The following NPAS3 variants were observed in gnomAD, a reference collection of about 807,000 sequenced individuals.
NPAS3 encodes neuronal PAS domain-containing protein 3.
NPAS3 carries 14 observed loss-of-function variants against 73.1 expected under a neutral mutation model. The ratio of observed to expected loss-of-function variants is 0.19; its 90% CI spans 0.13 to 0.30. The LOEUF (loss-of-function observed/expected upper bound fraction) is 0.30, where lower values mean the gene tolerates loss of function less well. Ranked by LOEUF, NPAS3 falls within the 10% of genes least tolerant of loss-of-function variation. The pLI is 1.00. For missense variants in NPAS3, 1,096 were observed against 1,250.0 expected (o/e 0.88, Z 1.86); for synonymous variants, 620 against 541.5 (o/e 1.14, Z -2.01).
At chr14:32,975,636 C>G (rs2037633984) in intron 1 of NPAS3, among the ~76,000 whole-genome samples, 1 of 152,138 alleles carries the variant, frequency 6.6e-6, no homozygotes, top group African/African-American at 2.4e-5. Flanking sequence ...GCAAAAGTTG[C>G]TCACAGTTTT....
At chr14:32,997,185 C>T (rs912849649) in intron 1 of NPAS3, among the ~76,000 whole-genome samples, 1 of 152,180 alleles carries the variant, frequency 6.6e-6, no homozygotes, top group African/African-American at 2.4e-5. Flanking sequence ...CAATTTCTCC[C>T]ATTTGGAATA....
intron 3 of NPAS3, among the ~76,000 whole-genome samples, chr14:33,298,269 G>C (rs989059790): frequency 1.3e-5 from 2 of 152,146 alleles, no homozygotes; most frequent in Non-Finnish European, 2.9e-5. Flanking sequence ...GATGACAGAG[G>C]GAGCCTCCAT....
At chr14:33,383,350 G>A (rs963606095) in intron 4 of NPAS3, among the ~76,000 whole-genome samples, 2 of 152,084 alleles carry the variant, frequency 1.3e-5, no homozygotes, top group Non-Finnish European at 2.9e-5. Flanking sequence ...CTGATTGATG[G>A]TTAATTGTCC....
intron 5 of NPAS3, among the ~76,000 whole-genome samples, chr14:33,667,659 C>A (rs2059490875): frequency 6.6e-6 from 1 of 152,134 alleles, no homozygotes; most frequent in Non-Finnish European, 1.5e-5. Flanking sequence ...TTAGTAGTTA[C>A]AATAACCAAA....
At chr14:33,073,389 G>C (rs2041550626) in intron 2 of NPAS3, among the ~76,000 whole-genome samples, 1 of 152,186 alleles carries the variant, frequency 6.6e-6, no homozygotes, top group Non-Finnish European at 1.5e-5. Flanking sequence ...TACATGTGGA[G>C]TTAAAAAGGT....
Position 33,643,691 on chromosome 14 carries a change from G to A in NPAS3, c.559-32520G>A, listed in dbSNP as rs2058742841. Among the ~76,000 whole-genome samples, 3 of 152,296 alleles carry A rather than the reference G, an allele frequency of 2.0e-5. No homozygotes were observed. The South Asian group carries it at 6.2e-4, about 32-fold the overall frequency. On this transcript the variant is annotated intron_variant, in intron 5 of 11. Transcript: ENST00000356141. ...CAGCTACTTTGCCACAGTGGATTAA[G>A]ATGATCTAAAGGGGCTTTGTGAGCT...
At chr14:33,030,960 T>A (rs2039968283) in intron 1 of NPAS3, among the ~76,000 whole-genome samples, 1 of 152,178 alleles carries the variant, frequency 6.6e-6, no homozygotes, top group African/African-American at 2.4e-5. Context: ...ACTGTGTTGG[T>A]GGAAGCCTGG....
chr14:33,519,258 A>G (rs1318036778), intron 4 of NPAS3, among the ~76,000 whole-genome samples: 1 of 152,102 alleles, frequency 6.6e-6, no homozygotes, highest in African/African-American at 2.4e-5. Flanking sequence ...CAAACTTCTC[A>G]GTATCCTAGT....
At position 33,395,935 on chromosome 14, in the gene NPAS3, C is replaced by T. The variant is rs776065598; in HGVS notation, c.468+28667C>T. Among the ~76,000 whole-genome samples, 6 of 152,112 alleles carry T rather than the reference C, an allele frequency of 3.9e-5. No homozygotes were observed. The East Asian group carries it at 7.7e-4, about 20-fold the overall frequency. ...TAAGCAAATGGACTTGAAGGCCCAG[C>T]GGTTCCTTCCTAGACCAGGTGCCTC... On this transcript the variant is annotated intron_variant, in intron 4 of 11. Transcript: ENST00000356141.
intron 4 of NPAS3, among the ~76,000 whole-genome samples, chr14:33,541,872 C>T (rs1038011716): frequency 1.3e-5 from 2 of 152,148 alleles, no homozygotes; most frequent in African/African-American, 4.8e-5. Flanking sequence ...GATGTGCATA[C>T]CTGCCCACTC....
chr14:33,573,485 A>G (rs538780751), intron 5 of NPAS3, among the ~76,000 whole-genome samples: 1 of 152,310 alleles, frequency 6.6e-6, no homozygotes, highest in East Asian at 1.9e-4. Context: ...TGGATGACTA[A>G]CTCTACCTGG....
At chr14:33,643,018 A>T (rs2058717219) in intron 5 of NPAS3, among the ~76,000 whole-genome samples, 1 of 152,174 alleles carries the variant, frequency 6.6e-6, no homozygotes, top group Non-Finnish European at 1.5e-5. Context: ...CTCCTCTCGC[A>T]ATAATCTTCA....
intron 3 of NPAS3, among the ~76,000 whole-genome samples, chr14:33,354,878 A>G (rs560951903): frequency 1.3e-3 from 192 of 152,264 alleles, no homozygotes; most frequent in African/African-American, 4.5e-3. Context: ...ATCGTCATTT[A>G]TTGGCTAGAC....
chr14:33,240,371 T>TTTTCTTTTTAATATATTTCAA (rs2048175467), intron 3 of NPAS3, among the ~76,000 whole-genome samples: 1 of 151,722 alleles, frequency 6.6e-6, no homozygotes, highest in South Asian at 2.1e-4. Context: ...TTATTTTTCT[T>TTTTCTTTTTAATATATTTCAA]TTTCTTTTTA....
chr14:33,446,889 A>G (rs1445552680), intron 4 of NPAS3, among the ~76,000 whole-genome samples: 1 of 152,248 alleles, frequency 6.6e-6, no homozygotes, highest in African/African-American at 2.4e-5. Context: ...ATTTGAGGTG[A>G]AATACTATGT....
intron 4 of NPAS3, among the ~76,000 whole-genome samples, chr14:33,522,165 T>C (rs920635687): frequency 1.3e-5 from 2 of 152,216 alleles, no homozygotes; most frequent in Non-Finnish European, 1.5e-5. Context: ...TAAAAATCCA[T>C]AAACGTATAG....
At position 33,656,076 on chromosome 14, in the gene NPAS3, A is replaced by C. The variant is rs145681960; in HGVS notation, c.559-20135A>C. On this transcript the variant is annotated intron_variant, in intron 5 of 11. Transcript: ENST00000356141. The stretch of plus-strand genomic sequence containing the variant: ...ATTCCTACTGCTGTGCTACTGAAGC[A>C]AAAAATAAGTTTAGTATCGAATTTC... 2.9e-3 allele frequency among the ~76,000 whole-genome samples: 435 copies of C among 152,284 alleles called. 2 individuals carry two copies. The highest frequency in any genetic ancestry group is 9.7e-3 in the African/African-American group (405 of 41,542).
chr14:32,963,275 C>A (rs896003279), intron 1 of NPAS3, among the ~76,000 whole-genome samples: 1 of 151,900 alleles, frequency 6.6e-6, no homozygotes, highest in African/African-American at 2.4e-5. Context: ...ATTTTAAATA[C>A]AGAGTAACAT....
intron 3 of NPAS3, among the ~76,000 whole-genome samples, chr14:33,344,583 A>G (rs1283757057): frequency 6.6e-6 from 1 of 152,222 alleles, no homozygotes; most frequent in Non-Finnish European, 1.5e-5. Context: ...TGTGTAAATG[A>G]ACCTCAGGCT....
Sources: allele counts gnomAD v4.1 joint callset (sites outside exome capture counted in the v4.1 genomes callset), GRCh38; gene constraint gnomAD v4.1.1; transcripts MANE v1.5; gene names NCBI Gene and HGNC (gene_info 2026-07-23, HGNC 2026-07-21).